The following ZNF462 variants were observed in gnomAD, a reference collection of about 807,000 sequenced individuals.
ZNF462 encodes the protein zinc finger PBX1-interacting protein.
ZNF462 carries 10 observed loss-of-function variants against 201.9 expected under a neutral mutation model. The ratio of observed to expected loss-of-function variants is 0.05; its 90% CI spans 0.03 to 0.08. ZNF462 has a LOEUF of 0.08. ZNF462 is among the 10% of genes least tolerant of loss of function. ZNF462 has a pLI of 1.00. For missense variants in ZNF462, 2,523 were observed against 3,168.3 expected (o/e 0.80, Z 4.89); for synonymous variants, 1,227 against 1,193.3 (o/e 1.03, Z -0.58).
chr9:106,875,944 C>T (rs1272181067), intron 1 of ZNF462, among the ~76,000 whole-genome samples: 1 of 152,176 alleles, frequency 6.6e-6, no homozygotes, highest in African/African-American at 2.4e-5. Context: ...ACATGTATCT[C>T]TATACATAGA....
chr9:106,955,793 A>G (rs1298613355), intron 7 of ZNF462, among the ~76,000 whole-genome samples: 1 of 152,176 alleles, frequency 6.6e-6, no homozygotes. Flanking sequence ...CTTCACCTCA[A>G]GAAACCACTT....
At chr9:106,903,749 T>A (rs576408574) in intron 1 of ZNF462, among the ~76,000 whole-genome samples, 1 of 152,220 alleles carries the variant, frequency 6.6e-6, no homozygotes, top group East Asian at 1.9e-4. Flanking sequence ...TTACCCCTGC[T>A]CACTTTTGGT....
chr9:106,941,997 C>T (rs1830893070), intron 7 of ZNF462, among the ~76,000 whole-genome samples: 1 of 152,150 alleles, frequency 6.6e-6, no homozygotes, highest in Non-Finnish European at 1.5e-5. Flanking sequence ...TAGAGAGAAG[C>T]TGTGGGGCTA....
At chr9:106,986,617 T>C (rs1827851213) in intron 10 of ZNF462, among the ~76,000 whole-genome samples, 2 of 152,192 alleles carry the variant, frequency 1.3e-5, no homozygotes, top group Non-Finnish European at 2.9e-5. Flanking sequence ...CGGTCTTTTT[T>C]AAAAATTATT....
At chr9:106,971,193 T>G (rs1322813909) in intron 7 of ZNF462, among the ~76,000 whole-genome samples, 1 of 152,148 alleles carries the variant, frequency 6.6e-6, no homozygotes, top group African/African-American at 2.4e-5. Flanking sequence ...TGTTAAAGAC[T>G]GATTTTTTTT....
intron 10 of ZNF462, among the ~76,000 whole-genome samples, chr9:107,001,822 C>T (rs1188180243): frequency 1.3e-5 from 2 of 152,034 alleles, no homozygotes; most frequent in Non-Finnish European, 2.9e-5. Context: ...GCGTCTTGTC[C>T]ACCCCCATGT....
intron 7 of ZNF462, among the ~76,000 whole-genome samples, chr9:106,958,286 C>T (rs1831670957): frequency 6.6e-6 from 1 of 152,106 alleles, no homozygotes; most frequent in Admixed American, 6.6e-5. Context: ...CACCTGCTCC[C>T]TGCTTAAAGC....
chr9:106,925,867 G>C lies in ZNF462; in HGVS notation c.1955G>C (p.Ser652Thr). ...ENETDSHPSS[S>T]NTVKKSQTSI... ...GAGACAGACAGCCACCCCTCTTCCA[G>C]CAACACTGTGAAGAAAAGTCAGACC... is the stretch of plus-strand genomic sequence containing the variant. Residue 652 changes from serine (S) to threonine (T), a missense_variant, in exon 3 of 13, where the codon AGC becomes ACC. This residue lies in a region of ZNF462 where 383 missense variants were observed against 453.4 expected (regional missense o/e 0.84). Transcript: ENST00000277225. This position sits in a 1 kb window ranked among gnomAD's most constrained non-coding sequence, Gnocchi z 7.9. 6.2e-7 allele frequency: 1 copy of C among 1,614,182 alleles called. No individual in the cohort carries two copies. The highest frequency in any genetic ancestry group is 8.5e-7 in the Non-Finnish European group (1 of 1,180,046).
chr9:106,930,904 C>T lies in ZNF462; in HGVS notation c.6012+215C>T. 1 of 512,576 alleles carries T rather than the reference C, an allele frequency of 2.0e-6. No individual in the cohort carries two copies. Among genetic ancestry groups the T allele is most frequent in the Non-Finnish European group, 3.4e-6 (1 of 293,102 alleles). The allele number at this position is 512,576 out of a possible 1,614,324, so 31.8% of individuals were successfully genotyped here. On this transcript the variant is annotated intron_variant, in intron 4 of 12. Transcript: ENST00000277225. The surrounding 1 kb of genome is among the most constrained non-coding windows in gnomAD (Gnocchi z 5.8). Reference sequence around the variant, plus strand: ...GTCGAGTTTCGATCTGGTTTCCTTCCACGCGGATAGTTTGGTGGCAGCAGA... The same window carrying T: ...GTCGAGTTTCGATCTGGTTTCCTTCTACGCGGATAGTTTGGTGGCAGCAGA...
At chr9:106,936,093 G>T (rs1039812762) in intron 6 of ZNF462, among the ~76,000 whole-genome samples, 20 of 152,222 alleles carry the variant, frequency 1.3e-4, no homozygotes, top group African/African-American at 4.8e-4. Context: ...AGACAGAAAT[G>T]ACTTTGGGTT....
In ZNF462 at chr9:106,917,657, G is replaced by C. The variant is rs1190007533; in HGVS notation, c.-30-5697G>C. On this transcript the variant is annotated intron_variant, in intron 1 of 12. Transcript: ENST00000277225. This position sits in a 1 kb window ranked among gnomAD's most constrained non-coding sequence, Gnocchi z 4.5. ...CCCTGATATGTTAAACCTTTCATTA[G>C]TGTGGTGAATTGCCAAGAGTACACA... Among the ~76,000 whole-genome samples the C allele has an allele frequency of 6.6e-6, 1 of 152,108 alleles. No homozygotes were observed. Among genetic ancestry groups the C allele is most frequent in the African/African-American group, 2.4e-5 (1 of 41,424 alleles).
rs1308846306 is a variant in ZNF462 at position 106,925,657 on chromosome 9, C to G, written c.1745C>G (p.Pro582Arg). The part of the protein sequence containing the change: ...HQVPPQPQTQ[P>R]PPTQQPQPPT... ...GTGCCACCCCAGCCACAAACACAGC[C>G]ACCACCAACGCAGCAGCCACAGCCA... Residue 582 changes from proline (P) to arginine (R), a missense_variant, in exon 3 of 13, where the codon CCA becomes CGA. Coordinates refer to ENST00000277225, the MANE Select transcript of ZNF462 (RefSeq NM_021224.6). This position sits in a 1 kb window ranked among gnomAD's most constrained non-coding sequence, Gnocchi z 7.9. 1.9e-6 allele frequency: 3 copies of G among 1,614,094 alleles called. No homozygotes were observed. Among genetic ancestry groups the G allele is most frequent in the Non-Finnish European group, 2.5e-6 (3 of 1,179,992 alleles).
intron 1 of ZNF462, among the ~76,000 whole-genome samples, chr9:106,868,408 C>T (rs1029216329): frequency 3.3e-5 from 5 of 152,144 alleles, no homozygotes; most frequent in African/African-American, 1.2e-4. Context: ...GGAAAAGAGG[C>T]ACTTAGTGTT....
rs1181769366 is a variant in ZNF462 at position 107,013,297 on chromosome 9, A to C, written c.*2267A>C. On this transcript the variant is annotated 3_prime_UTR_variant, in exon 13 of 13. Coordinates refer to ENST00000277225, the MANE Select transcript of ZNF462 (RefSeq NM_021224.6). ...TTTTTCTTTTTCAAACATATACCTG[A>C]TATTTTGTGGCCGCACATTTTGGAT... 1 of 152,138 alleles carries C rather than the reference A, an allele frequency of 6.6e-6. No homozygotes were observed. The highest frequency in any genetic ancestry group is 2.4e-5 in the African/African-American group (1 of 41,450). The allele number at this position is 152,138 out of a possible 1,614,324, so 9.4% of individuals were successfully genotyped here.
chr9:106,923,651 T>A lies in ZNF462; in HGVS notation c.220+48T>A, dbSNP rs753137041. 11 of 1,583,462 alleles carry A rather than the reference T, an allele frequency of 6.9e-6. No homozygotes were observed. The highest frequency in any genetic ancestry group is 9.5e-6 in the Non-Finnish European group (11 of 1,153,470). On this transcript the variant is annotated intron_variant, in intron 2 of 12. Coordinates refer to ENST00000277225, the MANE Select transcript of ZNF462 (RefSeq NM_021224.6). This position sits in a 1 kb window ranked among gnomAD's most constrained non-coding sequence, Gnocchi z 5.6. Reference sequence around the variant, plus strand: ...ACGGCCGATGTATTTTAATTGCTCTTGTTTCCTTTTAGCCTGTAGCCATGG... The same window carrying A: ...ACGGCCGATGTATTTTAATTGCTCTAGTTTCCTTTTAGCCTGTAGCCATGG...
rs1056139021 is a variant in ZNF462 at position 106,950,149 on chromosome 9, C to T, written c.6427+11042C>T. Among the ~76,000 whole-genome samples, 1 of 152,214 alleles carries T rather than the reference C, an allele frequency of 6.6e-6. No homozygotes were observed. Among genetic ancestry groups the T allele is most frequent in the Non-Finnish European group, 1.5e-5 (1 of 68,036 alleles). The stretch of plus-strand genomic sequence containing the variant: ...CTGATGTTAGCCAGTCTTTCTGATT[C>T]TAACCTCCATCTTTTCCAATCTGTT... On this transcript the variant is annotated intron_variant, in intron 7 of 12. Transcript: ENST00000277225. The surrounding 1 kb of genome is among the most constrained non-coding windows in gnomAD (Gnocchi z 4.1).
In ZNF462 at chr9:106,880,554, T is replaced by C. The variant is rs991719960; in HGVS notation, c.-31+17199T>C. On this transcript the variant is annotated intron_variant, in intron 1 of 12. Coordinates refer to ENST00000277225, the MANE Select transcript of ZNF462 (RefSeq NM_021224.6). This position sits in a 1 kb window ranked among gnomAD's most constrained non-coding sequence, Gnocchi z 4.1. ...AGTGTGGACTTTGTGTTTGTTTATG[T>C]TAAGTAGCTCTAAATTTCAGTGATC... Among the ~76,000 whole-genome samples, 2 of 152,234 alleles carry C rather than the reference T, an allele frequency of 1.3e-5. No individual in the cohort carries two copies. Among genetic ancestry groups the C allele is most frequent in the Non-Finnish European group, 2.9e-5 (2 of 68,046 alleles).
At chr9:106,943,339 A>G (rs1830968836) in intron 7 of ZNF462, among the ~76,000 whole-genome samples, 1 of 152,166 alleles carries the variant, frequency 6.6e-6, no homozygotes, top group African/African-American at 2.4e-5. Flanking sequence ...TTTTATCAAG[A>G]CATTTCTCAT....
chr9:106,927,994 C>T lies in ZNF462; in HGVS notation c.4082C>T (p.Thr1361Ile), dbSNP rs763516779. Residue 1361 changes from threonine (T) to isoleucine (I), a missense_variant, in exon 3 of 13, where the codon ACA becomes ATA. Thr to Ile is a moderately conservative substitution (Grantham distance 89, BLOSUM62 -1). This residue lies in a region of ZNF462 where 165 missense variants were observed against 142.6 expected (regional missense o/e 1.16). Coordinates refer to ENST00000277225, the MANE Select transcript of ZNF462 (RefSeq NM_021224.6). The stretch of plus-strand genomic sequence containing the variant: ...CCAGACCCATCCCCTCCCTCTCTCA[C>T]AATGCCAGCCGAAGCCAAAACCTAC... The part of the protein sequence containing the change: ...AGPDPSPPSL[T>I]MPAEAKTYRC... 6.2e-6 allele frequency: 10 copies of T among 1,614,078 alleles called. No homozygotes were observed. In the African/African-American group the frequency reaches 1.3e-4, roughly 22 times the overall value.
Sources: allele counts gnomAD v4.1 joint callset (sites outside exome capture counted in the v4.1 genomes callset), GRCh38; gene constraint gnomAD v4.1.1; regional missense constraint gnomAD v4.1.1; non-coding constraint Gnocchi (gnomAD v3.1); transcripts MANE v1.5; gene names NCBI Gene and HGNC (gene_info 2026-07-23, HGNC 2026-07-21).